MYO3B: variants seen among roughly 807,000 people sequenced by gnomAD.
MYO3B encodes the protein myosin-IIIb.
A neutral mutation model predicts 174.6 loss-of-function variants in MYO3B; 156 were observed. The observed-to-expected ratio is 0.89, with a 90% CI of 0.78 to 1.02. The LOEUF is 1.02. MYO3B is among the 50% of genes least tolerant of loss of function. The pLI is 0.00. For synonymous variants in MYO3B, 563 were observed against 569.1 expected (o/e 0.99, Z 0.15); for missense variants, 1,632 against 1,639.4 (o/e 1.00, Z 0.08).
At chr2:170,503,614 C>T (rs1687427181) in intron 28 of MYO3B, among the ~76,000 whole-genome samples, 1 of 150,314 alleles carries the variant, frequency 6.7e-6, no homozygotes, top group Non-Finnish European at 1.5e-5. Flanking sequence ...AAGCACCCAG[C>T]AGGACTTTAG....
At chr2:170,598,390 G>T (rs1198875707) in intron 32 of MYO3B, among the ~76,000 whole-genome samples, 1 of 152,228 alleles carries the variant, frequency 6.6e-6, no homozygotes, top group Non-Finnish European at 1.5e-5. Flanking sequence ...GCCTCCATCT[G>T]AATAAACAGA....
intron 32 of MYO3B, among the ~76,000 whole-genome samples, chr2:170,628,843 C>A (rs976209199): frequency 1.3e-5 from 2 of 152,130 alleles, no homozygotes; most frequent in Non-Finnish European, 2.9e-5. Context: ...GATATTTTTA[C>A]CAAACAATTT....
At chr2:170,308,769 C>G (rs1048883524) in intron 7 of MYO3B, among the ~76,000 whole-genome samples, 2 of 152,144 alleles carry the variant, frequency 1.3e-5, no homozygotes, top group African/African-American at 4.8e-5. Context: ...TCTCATGCCC[C>G]TTTCCTCCCC....
intron 6 of MYO3B, among the ~76,000 whole-genome samples, chr2:170,224,545 A>G (rs1486087266): frequency 1.3e-5 from 2 of 152,132 alleles, no homozygotes; most frequent in African/African-American, 4.8e-5. Context: ...GTGAGACATC[A>G]TTTTAAAAGA....
intron 7 of MYO3B, among the ~76,000 whole-genome samples, chr2:170,315,425 C>A (rs1478057764): frequency 6.6e-6 from 1 of 152,004 alleles, no homozygotes; most frequent in African/African-American, 2.4e-5. Context: ...CCTGCCTCAG[C>A]CTCCTGAGTA....
intron 32 of MYO3B, among the ~76,000 whole-genome samples, chr2:170,642,412 G>GGCATTGTTCATCCC (rs1185987302): frequency 1.3e-5 from 2 of 152,146 alleles, no homozygotes; most frequent in Non-Finnish European, 2.9e-5. Flanking sequence ...GATTGTTCAT[G>GGCATTGTTCATCCC]ACATAACATG....
intron 32 of MYO3B, among the ~76,000 whole-genome samples, chr2:170,572,140 C>T (rs181698885): frequency 5.9e-5 from 9 of 152,024 alleles, no homozygotes; most frequent in Non-Finnish European, 1.0e-4. Flanking sequence ...TGACAAAACC[C>T]TTTCTCTGGT....
chr2:170,497,513 C>G (rs923759905), intron 25 of MYO3B, among the ~76,000 whole-genome samples: 3 of 151,922 alleles, frequency 2.0e-5, no homozygotes, highest in Non-Finnish European at 4.4e-5. Context: ...CTACTCAGGA[C>G]GCTGAGAGGC....
intron 33 of MYO3B, 87 bp downstream of exon 33, chr2:170,651,821 G>GCCCCAC (rs1699029929): frequency 9.2e-7 from 1 of 1,089,328 alleles, no homozygotes; most frequent in South Asian, 1.3e-5. Flanking sequence ...AGCCCCTGCA[G>GCCCCAC]CCCCACCCCC....
At chr2:170,467,607 C>T (rs1684723587) in intron 25 of MYO3B, among the ~76,000 whole-genome samples, 1 of 151,784 alleles carries the variant, frequency 6.6e-6, no homozygotes, top group South Asian at 2.1e-4. Context: ...GTATGCCTGA[C>T]AAAGACAAGG....
intron 27 of MYO3B, among the ~76,000 whole-genome samples, chr2:170,500,175 T>G (rs1007444681): frequency 2.0e-5 from 3 of 152,162 alleles, no homozygotes; most frequent in Non-Finnish European, 4.4e-5. Flanking sequence ...GACATACAAA[T>G]TTATTAACAT....
At chr2:170,298,492 T>TGGTGAA (rs2093642249) in intron 7 of MYO3B, among the ~76,000 whole-genome samples, 1 of 151,914 alleles carries the variant, frequency 6.6e-6, no homozygotes, top group African/African-American at 2.4e-5. Flanking sequence ...CTGGCCAAGA[T>TGGTGAA]GGTGAAACCT....
At chr2:170,274,536 A>G (rs1282950508) in intron 7 of MYO3B, among the ~76,000 whole-genome samples, 21 of 152,196 alleles carry the variant, frequency 1.4e-4, no homozygotes, top group Non-Finnish European at 2.9e-5. Context: ...AGTAGGCACT[A>G]AAGATGCTGC....
chr2:170,467,989 T>C (rs12992921), intron 25 of MYO3B, among the ~76,000 whole-genome samples: 53,949 of 151,916 alleles, frequency 0.36, 11,539 homozygotes, highest in Non-Finnish European at 0.47. Flanking sequence ...TTTGTAACAA[T>C]GTTTGAATAC....
At chr2:170,625,331 T>C (rs1364578475) in intron 32 of MYO3B, among the ~76,000 whole-genome samples, 1 of 152,252 alleles carries the variant, frequency 6.6e-6, no homozygotes, top group African/African-American at 2.4e-5. Flanking sequence ...CCATTTCTTC[T>C]AGATTTTCTA....
At chr2:170,564,592 C>A (rs1028508895) in intron 32 of MYO3B, among the ~76,000 whole-genome samples, 1 of 152,150 alleles carries the variant, frequency 6.6e-6, no homozygotes, top group Non-Finnish European at 1.5e-5. Flanking sequence ...ATGGAAAAGA[C>A]ACACTTTGTT....
chr2:170,425,739 C>T (rs572871035), intron 22 of MYO3B, among the ~76,000 whole-genome samples: 1 of 152,188 alleles, frequency 6.6e-6, no homozygotes, highest in Non-Finnish European at 1.5e-5. Context: ...ATCAGCTACT[C>T]AGTAGTCTTC....
intron 7 of MYO3B, among the ~76,000 whole-genome samples, chr2:170,264,393 G>T (rs899496727): frequency 2.0e-5 from 3 of 152,208 alleles, no homozygotes; most frequent in Admixed American, 6.5e-5. Flanking sequence ...GGAAAGCAGA[G>T]CTGCAGATCT....
chr2:170,523,070 C>T (rs927370153), intron 30 of MYO3B, among the ~76,000 whole-genome samples: 2 of 152,218 alleles, frequency 1.3e-5, no homozygotes, highest in African/African-American at 4.8e-5. Context: ...TGGGTCCTCA[C>T]ACCACACTTT....
Sources: gnomAD v4.1 joint callset for allele counts (sites outside exome capture counted in the v4.1 genomes callset) on GRCh38, gnomAD v4.1.1 for gene constraint, MANE v1.5 for transcripts, NCBI Gene and HGNC (gene_info 2026-07-23, HGNC 2026-07-21) for gene names.